The following RTTN variants were observed in gnomAD, a reference collection of about 807,000 sequenced individuals.
RTTN encodes the protein rotatin.
A neutral mutation model predicts 269.2 loss-of-function variants in RTTN; 182 were observed. The observed-to-expected ratio is 0.68, with a 90% CI of 0.60 to 0.76. The LOEUF is 0.76. Among genes scored for constraint, RTTN ranks in the 30% least tolerant of loss-of-function variants. The pLI, the probability that RTTN is intolerant of heterozygous loss-of-function variation, is 0.00. For synonymous variants in RTTN, 1,006 were observed against 963.5 expected (o/e 1.04, Z -0.82); for missense variants, 2,545 against 2,608.6 (o/e 0.98, Z 0.53).
intron 36 of RTTN, 133 bp from the exon 37 acceptor site, chr18:70,057,965 A>G (rs1318214539): frequency 5.4e-5 from 31 of 571,094 alleles, no homozygotes; most frequent in Non-Finnish European, 2.7e-5. Context: ...AGCAAAGAAA[A>G]TGTTTATAAA....
chr18:70,048,323 T>A, intron 39 of RTTN, 135 bp from the exon 40 acceptor site: 1 of 829,200 alleles, frequency 1.2e-6, no homozygotes, highest in Non-Finnish European at 1.9e-6. Flanking sequence ...TTGCAACTGT[T>A]AAAGGAGCTG....
At chr18:70,019,631 T>C (rs1340098422) in intron 45 of RTTN, 2 of 152,196 alleles carry the variant, frequency 1.3e-5, no homozygotes, top group East Asian at 3.9e-4. Flanking sequence ...TGGTGTGATA[T>C]GCCCACTGTG....
At chr18:70,156,632 T>C (rs1489912200) in intron 14 of RTTN, among the ~76,000 whole-genome samples, 2 of 152,200 alleles carry the variant, frequency 1.3e-5, no homozygotes, top group African/African-American at 4.8e-5. Flanking sequence ...GTTTTGCAGC[T>C]TGTGGGACAT....
rs777097008 is a variant in RTTN at position 70,141,723 on chromosome 18, T to C, written c.2581+565A>G. 9.9e-5 allele frequency among the ~76,000 whole-genome samples: 15 copies of C among 152,150 alleles called. No individual in the cohort carries two copies. The South Asian group carries it at 2.9e-3, about 30-fold the overall frequency. On this transcript the variant is annotated intron_variant, in intron 19 of 48. Coordinates refer to ENST00000640769, the MANE Select transcript of RTTN (RefSeq NM_173630.4). ...AACATGGCACATGTATACCTATGTA[T>C]CAAACCTGCACATTGTGCACATGTA...
intron 32 of RTTN, among the ~76,000 whole-genome samples, chr18:70,080,953 C>T (rs1240284877): frequency 6.6e-6 from 1 of 151,644 alleles, no homozygotes; most frequent in Non-Finnish European, 1.5e-5. Flanking sequence ...CACACACACA[C>T]ACACACACAC....
intron 28 of RTTN, among the ~76,000 whole-genome samples, chr18:70,093,029 C>T (rs1486186846): frequency 6.6e-6 from 1 of 151,996 alleles, no homozygotes; most frequent in African/African-American, 2.4e-5. Flanking sequence ...CATAGCAAGA[C>T]CCAGTCTACT....
chr18:70,108,686 C>T (rs770019717), intron 28 of RTTN, among the ~76,000 whole-genome samples: 17 of 151,830 alleles, frequency 1.1e-4, no homozygotes, highest in African/African-American at 1.7e-4. Flanking sequence ...TGAAATGTTT[C>T]GAGAAATGCA....
rs900984402 is a variant in RTTN at position 70,059,207 on chromosome 18, C to A, written c.4940+643G>T. ...TAATGACACAGTAGGGAGTAATTTC[C>A]CAAGGCTGCAAGCTACTGAGTGAAT... On this transcript the variant is annotated intron_variant, in intron 36 of 48. Transcript: ENST00000640769. Among the ~76,000 whole-genome samples, 3 of 152,210 alleles carry A rather than the reference C, an allele frequency of 2.0e-5. No individual in the cohort carries two copies. The South Asian group carries it at 6.3e-4, about 32-fold the overall frequency.
chr18:70,102,805 G>T (rs1470902663), intron 28 of RTTN, among the ~76,000 whole-genome samples: 1 of 152,182 alleles, frequency 6.6e-6, no homozygotes, highest in Non-Finnish European at 1.5e-5. Flanking sequence ...GTCTGTAAAA[G>T]ATTTTATTTC....
chr18:70,121,850 A>C (rs1163668762), intron 25 of RTTN, 150 bp from the exon 26 acceptor site: 3 of 646,406 alleles, frequency 4.6e-6, no homozygotes, highest in Non-Finnish European at 7.2e-6. Flanking sequence ...GCAAAGTTGA[A>C]ACAAACTGGG....
At chr18:70,014,173 A>G (rs1251507419) in intron 46 of RTTN, among the ~76,000 whole-genome samples, 2 of 152,222 alleles carry the variant, frequency 1.3e-5, no homozygotes, top group Non-Finnish European at 2.9e-5. Context: ...AATAATTTTA[A>G]TTAGTTTAAA....
intron 26 of RTTN, 60 bp downstream of exon 26, chr18:70,121,496 T>C (rs2059736651): frequency 5.3e-6 from 7 of 1,328,850 alleles, no homozygotes; most frequent in Admixed American, 2.5e-5. Flanking sequence ...ATAATGTTAA[T>C]GATTTCTACA....
chr18:70,095,228 A>G (rs768082698), intron 28 of RTTN, among the ~76,000 whole-genome samples: 13 of 152,016 alleles, frequency 8.6e-5, no homozygotes, highest in Non-Finnish European at 1.9e-4. Flanking sequence ...AATACAGCAC[A>G]CTGATAGGTC....
chr18:70,054,562 A>G (rs1251959715), intron 37 of RTTN, among the ~76,000 whole-genome samples: 1 of 152,190 alleles, frequency 6.6e-6, no homozygotes, highest in African/African-American at 2.4e-5. Context: ...CAGGTGTGGT[A>G]GCTAACACAC....
At chr18:70,069,288 G>A (rs73964493) in intron 34 of RTTN, among the ~76,000 whole-genome samples, 5,954 of 152,112 alleles carry the variant, frequency 0.039, 214 homozygotes, top group African/African-American at 0.095. Flanking sequence ...ATATACATAT[G>A]TCAAGTAATC....
chr18:70,028,874 T>G, intron 42 of RTTN, 73 bp from the exon 43 acceptor site: 2 of 1,032,728 alleles, frequency 1.9e-6, no homozygotes, highest in South Asian at 1.4e-5. Flanking sequence ...AGTAATTCCC[T>G]CCCCTTTGGG....
intron 11 of RTTN, among the ~76,000 whole-genome samples, chr18:70,174,339 A>G (rs1183522251): frequency 6.6e-6 from 1 of 152,144 alleles, no homozygotes; most frequent in Non-Finnish European, 1.5e-5. Context: ...TTTCCCGGCC[A>G]TATATTCTCA....
Position 70,101,118 on chromosome 18 carries a change from T to C in RTTN, c.3904-8314A>G, listed in dbSNP as rs527667779. On this transcript the variant is annotated intron_variant, in intron 28 of 48. Transcript: ENST00000640769. The stretch of plus-strand genomic sequence containing the variant: ...AATGAGTTAGGGAGGATTCCCTCTT[T>C]TTCTATTGACTGGAATAGTTTCAGA... 2.6e-5 allele frequency among the ~76,000 whole-genome samples: 4 copies of C among 152,344 alleles called. No individual in the cohort carries two copies. In the East Asian group the frequency reaches 7.7e-4, roughly 29 times the overall value.
At position 70,020,682 on chromosome 18, in the gene RTTN, T is replaced by C. The variant is rs568621434; in HGVS notation, c.6086A>G (p.Gln2029Arg). 1 of 1,614,082 alleles carries C rather than the reference T, an allele frequency of 6.2e-7. No homozygotes were observed. Among genetic ancestry groups the C allele is most frequent in the South Asian group, 1.1e-5 (1 of 91,074 alleles). The change falls in exon 45 of 49, where the codon CAG (glutamine) becomes CGG (arginine). Residue 2029 changes from glutamine to arginine, a missense_variant. Gln to Arg is a conservative substitution (Grantham distance 43, BLOSUM62 1). Coordinates refer to ENST00000640769, the MANE Select transcript of RTTN (RefSeq NM_173630.4). ...SQMPLENTTV[Q>R]QMVFMLLSNL... ...TGAAAGAAGCATAAAAACCATCTGC[T>C]GAACCGTGGTGTTCTCCAGTGGCAT...
Sources: gnomAD v4.1 joint callset for allele counts (sites outside exome capture counted in the v4.1 genomes callset) on GRCh38, gnomAD v4.1.1 for gene constraint, MANE v1.5 for transcripts, NCBI Gene and HGNC (gene_info 2026-07-23, HGNC 2026-07-21) for gene names.